ADAMTS17: variants seen among roughly 807,000 people sequenced by gnomAD.
ADAMTS17 encodes the protein A disintegrin and metalloproteinase with thrombospondin motifs 17.
A neutral mutation model predicts 141.5 loss-of-function variants in ADAMTS17; 113 were observed. The observed-to-expected ratio is 0.80, with a 90% confidence interval of 0.69 to 0.93. The LOEUF is 0.93. Among genes scored for constraint, ADAMTS17 ranks in the 40% least tolerant of loss-of-function variants. The pLI, the probability that ADAMTS17 is intolerant of heterozygous loss-of-function variation, is 0.00. For synonymous variants in ADAMTS17, 768 were observed against 630.6 expected (o/e 1.22, Z -3.27); for missense variants, 1,659 against 1,517.9 (o/e 1.09, Z -1.54).
chr15:100,130,073 G>A (rs1596509523), intron 12 of ADAMTS17, among the ~76,000 whole-genome samples: 1 of 152,054 alleles, frequency 6.6e-6, no homozygotes, highest in African/African-American at 2.4e-5. Context: ...TAATTAAGAA[G>A]TCATTCCTGG....
rs534987280 is a variant in ADAMTS17, at chr15:100,223,329, G to A, written c.1076-23906C>T. ...GTTTCCTTTCTTAGGAAAAAGCACT[G>A]ACTCTTTTTTTTCAGTATTAGAAGA... On this transcript the variant is annotated intron_variant, in intron 7 of 21. Coordinates refer to ENST00000268070, the MANE Select transcript of ADAMTS17 (RefSeq NM_139057.4). 7.0e-3 allele frequency among the ~76,000 whole-genome samples: 1,067 copies of A among 152,322 alleles called. 9 individuals carry two copies. Among genetic ancestry groups the A allele is most frequent in the Non-Finnish European group, 0.012 (819 of 68,034 alleles).
Position 100,154,399 on chromosome 15 carries a change from G to A in ADAMTS17, c.1322+781C>T, listed in dbSNP as rs576595262. Among the ~76,000 whole-genome samples the A allele has an allele frequency of 3.0e-4, 46 of 152,314 alleles. 1 individual carries two copies. The South Asian group carries it at 8.1e-3, about 27-fold the overall frequency. On this transcript the variant is annotated intron_variant, in intron 9 of 21. Coordinates refer to ENST00000268070, the MANE Select transcript of ADAMTS17 (RefSeq NM_139057.4). ...ACGTCATGAAAAAAGACCCAGGATG[G>A]CACCTTTGCCACTACATCCTGAATT...
chr15:99,999,661 G>A (rs1181514970), intron 18 of ADAMTS17, among the ~76,000 whole-genome samples: 1 of 152,162 alleles, frequency 6.6e-6, no homozygotes, highest in Non-Finnish European at 1.5e-5. Flanking sequence ...TTTGAGAGAG[G>A]AGTGACATGT....
chr15:100,050,127 G>T (rs2032025705), intron 17 of ADAMTS17, among the ~76,000 whole-genome samples: 1 of 152,188 alleles, frequency 6.6e-6, no homozygotes, highest in African/African-American at 2.4e-5. Flanking sequence ...GCCCCACATG[G>T]CAGCCTCGCA....
chr15:100,202,563 A>G (rs1016087039), intron 7 of ADAMTS17, among the ~76,000 whole-genome samples: 3 of 152,236 alleles, frequency 2.0e-5, no homozygotes, highest in African/African-American at 4.8e-5. Context: ...TTGTTGTAAA[A>G]TAAGAGCTGT....
chr15:100,291,002 T>C (rs1183812739), intron 3 of ADAMTS17, among the ~76,000 whole-genome samples: 2 of 152,150 alleles, frequency 1.3e-5, no homozygotes, highest in Non-Finnish European at 2.9e-5. Flanking sequence ...AATTGACAAA[T>C]GGGGCCTAAT....
At position 100,108,929 on chromosome 15, in the gene ADAMTS17, C is replaced by G; in HGVS notation, c.2016+60G>C. The G allele has an allele frequency of 3.1e-6, 5 of 1,610,116 alleles. No homozygotes were observed. The Admixed American group carries it at 8.3e-5, about 27-fold the overall frequency. ...ACCTCTGCTCTACCCCACTCCCTGT[C>G]TGGGGAGAGTGAGTCTCCTCTCCAA... On this transcript the variant is annotated intron_variant, in intron 14 of 21. Transcript: ENST00000268070.
intron 3 of ADAMTS17, among the ~76,000 whole-genome samples, chr15:100,289,544 ACACT>A (rs1440696509): frequency 1.7e-4 from 21 of 127,242 alleles, no homozygotes; most frequent in South Asian, 7.0e-4. Flanking sequence ...ACACATACAC[ACACT>A]CACACACACA....
At chr15:100,217,788 T>C (rs1413076118) in intron 7 of ADAMTS17, among the ~76,000 whole-genome samples, 1 of 152,198 alleles carries the variant, frequency 6.6e-6, no homozygotes, top group Non-Finnish European at 1.5e-5. Context: ...CAATCATCTA[T>C]CTGGTAAGTG....
At chr15:100,113,468 CAAAT>C (rs2036918495) in intron 13 of ADAMTS17, among the ~76,000 whole-genome samples, 1 of 152,154 alleles carries the variant, frequency 6.6e-6, no homozygotes, top group Non-Finnish European at 1.5e-5. Flanking sequence ...ACTAGCAATA[CAAAT>C]ATTTGGTTGA....
chr15:100,110,726 C>G (rs1197731404), intron 13 of ADAMTS17, among the ~76,000 whole-genome samples: 4 of 152,158 alleles, frequency 2.6e-5, no homozygotes, highest in Non-Finnish European at 5.9e-5. Context: ...GACCTTCATC[C>G]TCCTTGCTGC....
rs964756627 is a variant in ADAMTS17, at chr15:100,262,340, G to A, written c.873+12C>T. The stretch of plus-strand genomic sequence containing the variant: ...TTTTCTGCTTGCTTGAAAGGTGCCT[G>A]TGGGGACTTACGGGACGTTGTCGTA... On this transcript the variant is annotated intron_variant, in intron 5 of 21. Transcript: ENST00000268070. 6.2e-7 allele frequency: 1 copy of A among 1,612,754 alleles called. No homozygotes were observed. The highest frequency in any genetic ancestry group is 1.3e-5 in the African/African-American group (1 of 74,864).
At position 100,064,789 on chromosome 15, in the gene ADAMTS17, T is replaced by C. The variant is rs371689024; in HGVS notation, c.2138-10735A>G. On this transcript the variant is annotated intron_variant, in intron 15 of 21. Coordinates refer to ENST00000268070, the MANE Select transcript of ADAMTS17 (RefSeq NM_139057.4). ...GGCTAATGCCTGGTTAATAGGGTGA[T>C]TGCCAGTAAGTGAGCCTAACATGAC... Among the ~76,000 whole-genome samples the C allele has an allele frequency of 1.3e-3, 196 of 152,314 alleles. 1 individual carries two copies. Among genetic ancestry groups the C allele is most frequent in the African/African-American group, 4.5e-3 (186 of 41,580 alleles).
At position 100,341,901 on chromosome 15, in the gene ADAMTS17, G is replaced by C. The variant is rs999192445; in HGVS notation, c.-2C>G. On this transcript the variant is annotated 5_prime_UTR_variant, in exon 1 of 22. Transcript: ENST00000268070. The stretch of plus-strand genomic sequence containing the variant: ...AGGCAGCAGGGCGCCGTCACACATG[G>C]TACCCGGGACCGGCAGCCCCCCCGG... The C allele has an allele frequency of 1.9e-6, 3 of 1,548,374 alleles. No individual in the cohort carries two copies. The highest frequency in any genetic ancestry group is 4.0e-5 in the Admixed American group (2 of 50,566).
rs189679835 is a variant in ADAMTS17, at chr15:100,131,736, C to T, written c.1721+271G>A. Among the ~76,000 whole-genome samples the T allele has an allele frequency of 2.3e-3, 349 of 152,230 alleles. 1 individual carries two copies. Among genetic ancestry groups the T allele is most frequent in the African/African-American group, 8.0e-3 (332 of 41,542 alleles). ...GGAGGGACTGTCATACAGCTGTCTCCGAAAACCTTTCCACTGAGGCCCAGG... is the reference window on the plus strand; with the variant it reads ...GGAGGGACTGTCATACAGCTGTCTCTGAAAACCTTTCCACTGAGGCCCAGG... On this transcript the variant is annotated intron_variant, in intron 12 of 21. Transcript: ENST00000268070.
chr15:100,277,339 G>A (rs189009240), intron 4 of ADAMTS17, among the ~76,000 whole-genome samples: 2 of 152,186 alleles, frequency 1.3e-5, no homozygotes, highest in East Asian at 3.9e-4. Context: ...GCCCATGAGG[G>A]GTGCAGGGTG....
intron 10 of ADAMTS17, among the ~76,000 whole-genome samples, chr15:100,143,931 A>G (rs2038777643): frequency 2.6e-5 from 4 of 152,236 alleles, no homozygotes; most frequent in Admixed American, 2.0e-4. Context: ...AAGAACATAC[A>G]GAGAGGACCA....
At chr15:100,339,161 T>TGGCC in intron 2 of ADAMTS17, 1 of 985,426 alleles carries the variant, frequency 1.0e-6, no homozygotes, top group Non-Finnish European at 1.2e-6. Flanking sequence ...TTCCTTTATC[T>TGGCC]AAAGCACAGC....
At chr15:100,137,950 C>T (rs115741585) in intron 10 of ADAMTS17, among the ~76,000 whole-genome samples, 102 of 152,298 alleles carry the variant, frequency 6.7e-4, no homozygotes, top group African/African-American at 2.4e-3. Flanking sequence ...CACCAATGCC[C>T]GCCCTTTCAT....
Sources: allele counts gnomAD v4.1 joint callset (sites outside exome capture counted in the v4.1 genomes callset), GRCh38; gene constraint gnomAD v4.1.1; transcripts MANE v1.5; gene names NCBI Gene and HGNC (gene_info 2026-07-23, HGNC 2026-07-21).